Variants in PRDM6 observed in about 807,000 individuals in gnomAD.
PRDM6 encodes PR/SET domain 6.
Under a neutral mutation model 60.8 loss-of-function variants are expected in PRDM6, and 25 were observed. The ratio of observed to expected loss-of-function variants is 0.41; its 90% confidence interval spans 0.30 to 0.57. The LOEUF (loss-of-function observed/expected upper bound fraction) is 0.57, where lower values mean the gene tolerates loss of function less well. PRDM6 is among the 20% of genes least tolerant of loss of function. PRDM6 has a pLI of 0.27. For missense variants in PRDM6, 839 were observed against 821.3 expected, an observed-to-expected ratio of 1.02 and a Z score of -0.26; for synonymous variants, 407 against 357.4, an observed-to-expected ratio of 1.14 and a Z score of -1.57.
intron 3 of PRDM6, among the ~76,000 whole-genome samples, chr5:123,134,479 T>C (rs1368061010): frequency 2.0e-5 from 3 of 152,138 alleles, no homozygotes; most frequent in East Asian, 3.8e-4. Flanking sequence ...CAAATATGAA[T>C]TGATATAAGA....
chr5:123,180,868 T>C (rs568651824), intron 7 of PRDM6, among the ~76,000 whole-genome samples: 10 of 152,354 alleles, frequency 6.6e-5, no homozygotes, highest in African/African-American at 4.8e-5. Flanking sequence ...CTTTGGACTT[T>C]AGAATTACCA....
chr5:123,184,690 A>T (rs1259899987), intron 7 of PRDM6, among the ~76,000 whole-genome samples: 1 of 152,222 alleles, frequency 6.6e-6, no homozygotes, highest in East Asian at 1.9e-4. Context: ...GAGTTTCATT[A>T]AAGTATGAAA....
At chr5:123,095,122 G>C (rs1037560309) in intron 2 of PRDM6, among the ~76,000 whole-genome samples, 1 of 152,230 alleles carries the variant, frequency 6.6e-6, no homozygotes, top group Non-Finnish European at 1.5e-5. Flanking sequence ...AGGCAAACCT[G>C]CCTCGCCTCT....
Position 123,090,054 on chromosome 5 carries a change from A to G in PRDM6, c.40A>G (p.Lys14Glu). 4.5e-6 allele frequency: 7 copies of G among 1,548,170 alleles called. No homozygotes were observed. The highest frequency in any genetic ancestry group is 6.1e-6 in the Non-Finnish European group (7 of 1,145,988). Residue 14 changes from lysine to glutamate, a missense_variant, in exon 2 of 8, where the codon AAA (lysine) becomes GAA (glutamate). By Grantham distance (56) the Lys-to-Glu change is moderately conservative. This residue lies in a region of PRDM6 where 730 missense variants were observed against 648.8 expected (regional missense o/e 1.13). Coordinates refer to ENST00000407847, the MANE Select transcript of PRDM6 (RefSeq NM_001136239.4). ...AGACCCCGGCGGTTCGGCCTTCCTC[A>G]AAGTGGACCCAGCCTACCTGCAGCA... Reference protein sequence around the residue: ...PGDPGGSAFLKVDPAYLQHWQ... With the variant: ...PGDPGGSAFLEVDPAYLQHWQ...
chr5:123,090,138 G>C lies in PRDM6; in HGVS notation c.124G>C (p.Gly42Arg), dbSNP rs1477675042. 2 of 1,534,824 alleles carry C rather than the reference G, an allele frequency of 1.3e-6. No individual in the cohort carries two copies. Among genetic ancestry groups the C allele is most frequent in the Non-Finnish European group, 1.8e-6 (2 of 1,140,792 alleles). Residue 42 changes from glycine to arginine, a missense_variant, in exon 2 of 8, where the codon GGT becomes CGT. This residue lies in a region of PRDM6 where 730 missense variants were observed against 648.8 expected (regional missense o/e 1.13). Coordinates refer to ENST00000407847, the MANE Select transcript of PRDM6 (RefSeq NM_001136239.4). Reference sequence around the variant, plus strand: ...CCCGCTCAAGGGCAGCGGCGCCGCGGGTCTCCTGAGCGCGCCGCAGCCTCT... The same window carrying C: ...CCCGCTCAAGGGCAGCGGCGCCGCGCGTCTCCTGAGCGCGCCGCAGCCTCT... Reference protein sequence around the residue: ...AGPLKGSGAAGLLSAPQPLQP... With the variant: ...AGPLKGSGAARLLSAPQPLQP...
At chr5:123,155,415 A>G (rs1765469830) in intron 3 of PRDM6, among the ~76,000 whole-genome samples, 1 of 151,498 alleles carries the variant, frequency 6.6e-6, no homozygotes, top group Non-Finnish European at 1.5e-5. Flanking sequence ...TAACTCTCCA[A>G]CTGCCTTCTG....
intron 2 of PRDM6, among the ~76,000 whole-genome samples, chr5:123,097,822 C>T (rs1052646430): frequency 6.6e-6 from 1 of 152,204 alleles, no homozygotes; most frequent in Non-Finnish European, 1.5e-5. Context: ...GGAGGCCCAG[C>T]GGCATGGACA....
Position 123,171,024 on chromosome 5 carries a change from A to G in PRDM6, c.1412A>G (p.His471Arg). Reference protein sequence around the residue: ...SQLHSEFSDWHLWKCGQCFKT... With the variant: ...SQLHSEFSDWRLWKCGQCFKT... ...CTCCACTCGGAGTTCAGTGACTGGC[A>G]TCTTTGGAAATGTGGGCAGTGCTTT... The change falls in exon 6 of 8, where the codon CAT becomes CGT. Residue 471 changes from histidine to arginine, a missense_variant. Transcript: ENST00000407847. The G allele has an allele frequency of 6.4e-7, 1 of 1,552,008 alleles. No individual in the cohort carries two copies. The highest frequency in any genetic ancestry group is 8.7e-7 in the Non-Finnish European group (1 of 1,147,064).
intron 3 of PRDM6, among the ~76,000 whole-genome samples, chr5:123,112,541 T>A (rs563911106): frequency 6.6e-6 from 1 of 152,196 alleles, no homozygotes; most frequent in South Asian, 2.1e-4. Context: ...CCTGTTCTTC[T>A]TGTTTCAATT....
chr5:123,119,541 G>A (rs1580493447), intron 3 of PRDM6, among the ~76,000 whole-genome samples: 1 of 152,160 alleles, frequency 6.6e-6, no homozygotes, highest in East Asian at 1.9e-4. Context: ...TGCCGGTGAT[G>A]CCTGGCCCTG....
chr5:123,157,863 T>G (rs1765538015), intron 4 of PRDM6, among the ~76,000 whole-genome samples: 1 of 152,254 alleles, frequency 6.6e-6, no homozygotes, highest in African/African-American at 2.4e-5. Context: ...ACAATAATGT[T>G]TATTGGCATG....
At chr5:123,178,303 T>C (rs1199435165) in intron 6 of PRDM6, among the ~76,000 whole-genome samples, 1 of 152,206 alleles carries the variant, frequency 6.6e-6, no homozygotes, top group Admixed American at 6.5e-5. Flanking sequence ...AATGGTCCCT[T>C]CACTATTAGA....
chr5:123,094,037 G>T (rs1561796318), intron 2 of PRDM6, among the ~76,000 whole-genome samples: 1 of 152,018 alleles, frequency 6.6e-6, no homozygotes, highest in Non-Finnish European at 1.5e-5. Flanking sequence ...AAACAGCGCC[G>T]GTGTGTGCAT....
At chr5:123,115,023 A>T (rs1764401758) in intron 3 of PRDM6, among the ~76,000 whole-genome samples, 1 of 152,196 alleles carries the variant, frequency 6.6e-6, no homozygotes, top group Non-Finnish European at 1.5e-5. Context: ...CATCCAGAAG[A>T]CTGCTTGAGG....
intron 3 of PRDM6, among the ~76,000 whole-genome samples, chr5:123,138,821 C>T (rs367479): frequency 1.3e-5 from 2 of 152,162 alleles, no homozygotes; most frequent in Non-Finnish European, 2.9e-5. Context: ...AGCAGCAGGG[C>T]CCTTCCTTAG....
At chr5:123,155,416 C>T (rs1394117042) in intron 3 of PRDM6, among the ~76,000 whole-genome samples, 1 of 151,870 alleles carries the variant, frequency 6.6e-6, no homozygotes, top group Non-Finnish European at 1.5e-5. Context: ...AACTCTCCAA[C>T]TGCCTTCTGC....
intron 5 of PRDM6, among the ~76,000 whole-genome samples, chr5:123,165,891 T>C (rs1395085031): frequency 6.6e-6 from 1 of 152,228 alleles, no homozygotes; most frequent in Non-Finnish European, 1.5e-5. Flanking sequence ...TTTTTTGGCT[T>C]GCCATTACTC....
intron 1 of PRDM6, 137 bp from the exon 2 acceptor site, chr5:123,089,863 G>T: frequency 1.5e-6 from 1 of 645,394 alleles, no homozygotes. Flanking sequence ...AGCGGAGTTG[G>T]GAAGAGGGAG....
Position 123,095,020 on chromosome 5 carries a change from C to T in PRDM6, c.592+4414C>T, listed in dbSNP as rs532416312. 1.8e-4 allele frequency among the ~76,000 whole-genome samples: 28 copies of T among 152,338 alleles called. No homozygotes were observed. In the South Asian group the frequency reaches 4.6e-3, roughly 25 times the overall value. On this transcript the variant is annotated intron_variant, in intron 2 of 7. Coordinates refer to ENST00000407847, the MANE Select transcript of PRDM6 (RefSeq NM_001136239.4). Reference sequence around the variant, plus strand: ...TGCGATTCGCGGGGAGCTTTAAACTCGCGTAGAGGGAGAGTTCCTGAGAGA... The same window carrying T: ...TGCGATTCGCGGGGAGCTTTAAACTTGCGTAGAGGGAGAGTTCCTGAGAGA...
Sources: gnomAD v4.1 joint callset for allele counts (sites outside exome capture counted in the v4.1 genomes callset) on GRCh38, gnomAD v4.1.1 for gene constraint, gnomAD v4.1.1 regional missense constraint, MANE v1.5 for transcripts, NCBI Gene and HGNC (gene_info 2026-07-23, HGNC 2026-07-21) for gene names.